The following KATNBL1 variants were observed in gnomAD, a reference collection of about 807,000 sequenced individuals.
The protein encoded by KATNBL1 is KATNB1-like protein 1.
KATNBL1 carries 28 observed loss-of-function variants against 44.7 expected under a neutral mutation model. The observed-to-expected ratio is 0.63, with a 90% CI of 0.46 to 0.86. The LOEUF (loss-of-function observed/expected upper bound fraction) is 0.86, where lower values mean the gene tolerates loss of function less well. KATNBL1 is among the 40% of genes least tolerant of loss of function. KATNBL1 has a pLI of 0.00. For synonymous variants in KATNBL1, 78 were observed against 114.9 expected (o/e 0.68, Z 2.06); for missense variants, 272 against 350.7 (o/e 0.78, Z 1.79).
At chr15:34,172,253 A>ACTCTTTT (rs1889184078) in intron 1 of KATNBL1, among the ~76,000 whole-genome samples, 1 of 46,860 alleles carries the variant, frequency 2.1e-5, no homozygotes, top group African/African-American at 6.4e-5. Flanking sequence ...GGAGGAACAT[A>ACTCTTTT]TTCTTTTTTT....
intron 1 of KATNBL1, among the ~76,000 whole-genome samples, chr15:34,167,902 A>G (rs933178532): frequency 1.3e-5 from 2 of 152,228 alleles, no homozygotes; most frequent in Non-Finnish European, 2.9e-5. Flanking sequence ...AGATTTTGTC[A>G]CCACCAAGCC....
chr15:34,159,064 A>G (rs1186728932), intron 2 of KATNBL1, among the ~76,000 whole-genome samples: 1 of 152,238 alleles, frequency 6.6e-6, no homozygotes, highest in Non-Finnish European at 1.5e-5. Context: ...TATTGATTCA[A>G]TAAGCCACCT....
intron 1 of KATNBL1, among the ~76,000 whole-genome samples, chr15:34,190,932 C>T (rs1405382153): frequency 6.6e-6 from 1 of 152,010 alleles, no homozygotes; most frequent in Non-Finnish European, 1.5e-5. Context: ...GGATAGATGA[C>T]TCAGTGTTCT....
At chr15:34,157,609 G>C (rs1481439394) in intron 2 of KATNBL1, among the ~76,000 whole-genome samples, 1 of 152,202 alleles carries the variant, frequency 6.6e-6, no homozygotes, top group Non-Finnish European at 1.5e-5. Flanking sequence ...AGTGCAAATA[G>C]AGCAACTTAC....
chr15:34,145,036 C>A (rs1033608684), intron 9 of KATNBL1: 3 of 991,516 alleles, frequency 3.0e-6, no homozygotes, highest in South Asian at 4.3e-5. Context: ...ATCTCCAAAA[C>A]CATTTAATTA....
At chr15:34,159,935 C>CA (rs1448075468) in intron 2 of KATNBL1, among the ~76,000 whole-genome samples, 1 of 152,128 alleles carries the variant, frequency 6.6e-6, no homozygotes, top group Non-Finnish European at 1.5e-5. Flanking sequence ...TGGAAAGTAA[C>CA]AAACTGAGGA....
At chr15:34,159,509 C>G (rs1004742879) in intron 2 of KATNBL1, among the ~76,000 whole-genome samples, 7 of 152,180 alleles carry the variant, frequency 4.6e-5, no homozygotes, top group Admixed American at 3.9e-4. Flanking sequence ...AGAAGCTCAT[C>G]ATGGAGAAGA....
intron 1 of KATNBL1, among the ~76,000 whole-genome samples, chr15:34,163,967 A>G (rs974048212): frequency 6.6e-6 from 1 of 150,826 alleles, no homozygotes; most frequent in African/African-American, 2.4e-5. Flanking sequence ...ATCTTGGCTC[A>G]TTGCAACCTC....
Position 34,208,292 on chromosome 15 carries a change from C to T in KATNBL1, c.-15+1659G>A, listed in dbSNP as rs749829166. Among the ~76,000 whole-genome samples, 45 of 152,182 alleles carry T rather than the reference C, an allele frequency of 3.0e-4. 1 individual carries two copies. The highest frequency in any genetic ancestry group is 1.3e-4 in the Admixed American group (2 of 15,274). ...AGTCCCCAAAGTCCATAGTGTCATTCTTGCGGCACATTTCTTTTGTATAGC... is the reference window on the plus strand; with the variant it reads ...AGTCCCCAAAGTCCATAGTGTCATTTTTGCGGCACATTTCTTTTGTATAGC... On this transcript the variant is annotated intron_variant, in intron 1 of 9. Transcript: ENST00000256544.
At chr15:34,152,488 T>C (rs577113362) in intron 4 of KATNBL1, among the ~76,000 whole-genome samples, 1 of 152,244 alleles carries the variant, frequency 6.6e-6, no homozygotes, top group Admixed American at 6.5e-5. Flanking sequence ...TCCGGCCTAG[T>C]GCTCCACTTT....
chr15:34,199,498 A>C (rs1890113507), intron 1 of KATNBL1: 1 of 152,178 alleles, frequency 6.6e-6, no homozygotes, highest in Non-Finnish European at 1.5e-5. Flanking sequence ...AAATATTCAA[A>C]TCATAAAACT....
chr15:34,169,673 T>C (rs771198250), intron 1 of KATNBL1, among the ~76,000 whole-genome samples: 1 of 152,188 alleles, frequency 6.6e-6, no homozygotes, highest in Admixed American at 6.5e-5. Context: ...TGATGAACAC[T>C]GATGCGAAAA....
At chr15:34,177,585 A>G (rs1315626337) in intron 1 of KATNBL1, among the ~76,000 whole-genome samples, 2 of 146,120 alleles carry the variant, frequency 1.4e-5, no homozygotes, top group Non-Finnish European at 1.5e-5. Flanking sequence ...CAGAGGTTGC[A>G]GCGAGCCACT....
At chr15:34,195,846 C>T (rs933913718) in intron 1 of KATNBL1, among the ~76,000 whole-genome samples, 2 of 151,950 alleles carry the variant, frequency 1.3e-5, no homozygotes, top group Admixed American at 6.6e-5. Context: ...ATAGTTATGG[C>T]GACATGGAAA....
chr15:34,197,757 AT>A (rs1051060685), intron 1 of KATNBL1, among the ~76,000 whole-genome samples: 1 of 152,010 alleles, frequency 6.6e-6, no homozygotes, highest in South Asian at 2.1e-4. Context: ...GGTTTATTTT[AT>A]TTTTTTTGAG....
At chr15:34,151,527 C>T (rs1208795760) in intron 4 of KATNBL1, among the ~76,000 whole-genome samples, 1 of 141,242 alleles carries the variant, frequency 7.1e-6, no homozygotes, top group African/African-American at 2.6e-5. Flanking sequence ...TCTTGGCTCA[C>T]TGCAACCTTT....
At chr15:34,160,202 T>G (rs1888755014) in intron 2 of KATNBL1, among the ~76,000 whole-genome samples, 1 of 152,246 alleles carries the variant, frequency 6.6e-6, no homozygotes, top group Non-Finnish European at 1.5e-5. Context: ...TTGAGCCTCC[T>G]GGCTTTACTC....
intron 1 of KATNBL1, among the ~76,000 whole-genome samples, chr15:34,182,363 T>C (rs191327522): frequency 3.3e-5 from 5 of 152,278 alleles, no homozygotes; most frequent in East Asian, 1.9e-4. Flanking sequence ...ATAATACTTA[T>C]AAGAAATATA....
intron 1 of KATNBL1, among the ~76,000 whole-genome samples, chr15:34,174,629 A>C (rs1030195702): frequency 6.6e-6 from 1 of 152,100 alleles, no homozygotes; most frequent in African/African-American, 2.4e-5. Flanking sequence ...GCAGAAAGTA[A>C]AAGGAAGGGG....
Sources: allele counts gnomAD v4.1 joint callset (sites outside exome capture counted in the v4.1 genomes callset), GRCh38; gene constraint gnomAD v4.1.1; transcripts MANE v1.5; gene names NCBI Gene and HGNC (gene_info 2026-07-23, HGNC 2026-07-21).